SNTG1: variants seen among roughly 807,000 people sequenced by gnomAD.
SNTG1 encodes syntrophin gamma 1, also known as gamma-1-syntrophin.
A neutral mutation model predicts 74.7 loss-of-function variants in SNTG1; 39 were observed. The observed-to-expected ratio is 0.52, with a 90% CI of 0.40 to 0.68. The LOEUF (loss-of-function observed/expected upper bound fraction) is 0.68. SNTG1 is among the 30% of genes least tolerant of loss of function. The pLI is 0.00. For missense variants in SNTG1, 685 were observed against 609.5 expected, an observed-to-expected ratio of 1.12 and a Z score of -1.30; for synonymous variants, 254 against 217.1, an observed-to-expected ratio of 1.17 and a Z score of -1.49.
chr8:50,102,116 T>A (rs1403011863), intron 1 of SNTG1, among the ~76,000 whole-genome samples: 2 of 151,248 alleles, frequency 1.3e-5, no homozygotes, highest in Non-Finnish European at 2.9e-5. Flanking sequence ...TAGTTCTAGA[T>A]CCCTGAGGAA....
chr8:50,315,123 C>T (rs1011537605), intron 2 of SNTG1, among the ~76,000 whole-genome samples: 2 of 149,364 alleles, frequency 1.3e-5, no homozygotes, highest in Admixed American at 6.8e-5. Context: ...TTATAATATT[C>T]TTGTATATAT....
At chr8:50,774,920 TAATAA>T (rs1056257722) in intron 18 of SNTG1, among the ~76,000 whole-genome samples, 11 of 150,924 alleles carry the variant, frequency 7.3e-5, no homozygotes. Flanking sequence ...TCCAAATAAC[TAATAA>T]AATAACTAAT....
intron 1 of SNTG1, among the ~76,000 whole-genome samples, chr8:49,991,854 G>C (rs1034899192): frequency 3.9e-5 from 6 of 152,088 alleles, no homozygotes; most frequent in Admixed American, 1.3e-4. Context: ...TGGTATGGTG[G>C]CATGTTCTAA....
rs1262241973 is a variant in SNTG1, at chr8:50,232,988, T to C, written c.-28+60353T>C. On this transcript the variant is annotated intron_variant, in intron 2 of 18. Coordinates refer to ENST00000642720, the MANE Select transcript of SNTG1 (RefSeq NM_018967.5). Reference sequence around the variant, plus strand: ...ACTCAAAATAGTGAAGATGTCATTGTCAAATTGATACATAAGTTTAATGAA... The same window carrying C: ...ACTCAAAATAGTGAAGATGTCATTGCCAAATTGATACATAAGTTTAATGAA... 4.6e-5 allele frequency among the ~76,000 whole-genome samples: 7 copies of C among 151,590 alleles called. No individual in the cohort carries two copies. In the East Asian group the frequency reaches 1.3e-3, roughly 29 times the overall value.
At chr8:50,580,260 G>A (rs1484763057) in intron 12 of SNTG1, among the ~76,000 whole-genome samples, 1 of 152,168 alleles carries the variant, frequency 6.6e-6, no homozygotes, top group African/African-American at 2.4e-5. Context: ...CTCAATTCCT[G>A]TACCCCTATT....
chr8:50,228,614 G>C (rs1272063775), intron 2 of SNTG1, among the ~76,000 whole-genome samples: 4 of 151,812 alleles, frequency 2.6e-5, no homozygotes, highest in African/African-American at 9.7e-5. Flanking sequence ...CCAGAAAAGA[G>C]TGGAGTGAAA....
intron 2 of SNTG1, among the ~76,000 whole-genome samples, chr8:50,285,411 A>T (rs1023908799): frequency 6.6e-6 from 1 of 152,136 alleles, no homozygotes; most frequent in Non-Finnish European, 1.5e-5. Context: ...ATGCAACTGC[A>T]CTCCAGCCTG....
intron 5 of SNTG1, among the ~76,000 whole-genome samples, chr8:50,440,658 G>A (rs912862218): frequency 4.6e-5 from 7 of 152,098 alleles, no homozygotes; most frequent in African/African-American, 9.7e-5. Context: ...ATACATAAAC[G>A]CATATCTTAC....
intron 17 of SNTG1, among the ~76,000 whole-genome samples, chr8:50,712,022 A>T (rs1472185274): frequency 1.3e-5 from 2 of 152,222 alleles, no homozygotes; most frequent in Admixed American, 1.3e-4. Context: ...GCATTAATTA[A>T]TTTTATATAG....
intron 2 of SNTG1, among the ~76,000 whole-genome samples, chr8:50,330,350 C>G (rs2090914714): frequency 1.3e-5 from 2 of 152,152 alleles, no homozygotes; most frequent in Non-Finnish European, 2.9e-5. Context: ...TCAATTAAAG[C>G]TCTTTTCTTT....
chr8:50,415,518 G>T lies in SNTG1; in HGVS notation c.162+13174G>T, dbSNP rs569594103. ...TTTTTGGTTAAAATTTCTCATTTTT[G>T]TCAACAATATATTTGAAATATACTC... is the stretch of plus-strand genomic sequence containing the variant. On this transcript the variant is annotated intron_variant, in intron 4 of 18. Transcript: ENST00000642720. 3.3e-5 allele frequency among the ~76,000 whole-genome samples: 5 copies of T among 152,016 alleles called. No homozygotes were observed. The East Asian group carries it at 9.7e-4, about 29-fold the overall frequency.
intron 1 of SNTG1, among the ~76,000 whole-genome samples, chr8:50,091,647 CTG>C (rs369287883): frequency 2.6e-5 from 4 of 151,614 alleles, no homozygotes; most frequent in East Asian, 1.9e-4. Context: ...TAATATTTCA[CTG>C]TGTGTGTGTG....
At chr8:50,776,901 C>T (rs2095642397) in intron 18 of SNTG1, among the ~76,000 whole-genome samples, 1 of 151,844 alleles carries the variant, frequency 6.6e-6, no homozygotes, top group Admixed American at 6.6e-5. Flanking sequence ...GTTGAAAAAT[C>T]TTGTGCCACT....
intron 12 of SNTG1, among the ~76,000 whole-genome samples, chr8:50,569,490 A>T (rs1422560516): frequency 6.6e-6 from 1 of 152,030 alleles, no homozygotes; most frequent in East Asian, 1.9e-4. Context: ...TTTTTTCCAT[A>T]AAAGCGTTGG....
intron 8 of SNTG1, among the ~76,000 whole-genome samples, chr8:50,458,970 C>T (rs1427135700): frequency 1.3e-5 from 2 of 152,086 alleles, no homozygotes; most frequent in African/African-American, 4.8e-5. Flanking sequence ...CTTTTGGTGT[C>T]TTAGTTAATA....
At chr8:49,992,037 T>C (rs891688413) in intron 1 of SNTG1, among the ~76,000 whole-genome samples, 3 of 152,222 alleles carry the variant, frequency 2.0e-5, no homozygotes, top group African/African-American at 4.8e-5. Flanking sequence ...ATCATTATAC[T>C]GTACTGTTTC....
intron 12 of SNTG1, among the ~76,000 whole-genome samples, chr8:50,570,053 G>A (rs905266498): frequency 5.3e-5 from 8 of 151,998 alleles, no homozygotes; most frequent in East Asian, 1.9e-4. Flanking sequence ...CAGTAAAATA[G>A]CCTGCTTTGT....
intron 13 of SNTG1, among the ~76,000 whole-genome samples, chr8:50,656,040 C>G (rs1008944934): frequency 1.3e-5 from 2 of 151,958 alleles, no homozygotes; most frequent in African/African-American, 4.8e-5. Context: ...GATAGAAGGT[C>G]TCATGAGCCA....
chr8:50,001,850 A>G (rs1420895462), intron 1 of SNTG1, among the ~76,000 whole-genome samples: 3 of 152,262 alleles, frequency 2.0e-5, no homozygotes, highest in Middle Eastern at 3.4e-3. Flanking sequence ...ATATCAGTGT[A>G]TTTGATTTAT....
Sources: allele counts gnomAD v4.1 joint callset (sites outside exome capture counted in the v4.1 genomes callset), GRCh38; gene constraint gnomAD v4.1.1; transcripts MANE v1.5; gene names NCBI Gene and HGNC (gene_info 2026-07-23, HGNC 2026-07-21).